SLCO6A1: variants seen among roughly 807,000 people sequenced by gnomAD.
SLCO6A1 encodes cancer/testis antigen 48.
In SLCO6A1, 65 loss-of-function variants were observed where a neutral mutation model predicts 72.7. The ratio of observed to expected loss-of-function variants is 0.89; its 90% CI spans 0.73 to 1.10. The LOEUF is 1.10. SLCO6A1 is among the 50% of genes least tolerant of loss of function. The probability of loss-of-function intolerance (pLI) is 0.00; values close to 1 mark genes in which losing one functional copy is unlikely to be tolerated. For missense variants in SLCO6A1, 874 were observed against 872.6 expected (o/e 1.00, Z -0.02); for synonymous variants, 314 against 298.2 (o/e 1.05, Z -0.55).
chr5:102,390,854 G>A, intron 11 of SLCO6A1, 127 bp downstream of exon 11: 1 of 719,822 alleles, frequency 1.4e-6, no homozygotes, highest in South Asian at 2.1e-5. Flanking sequence ...ATTCTGCAAA[G>A]CAGCTCCCCC....
chr5:102,492,245 T>A (rs1308848007), intron 1 of SLCO6A1, among the ~76,000 whole-genome samples: 2 of 151,946 alleles, frequency 1.3e-5, no homozygotes, highest in African/African-American at 4.8e-5. Context: ...GAATGGACAA[T>A]ATGCAACAAC....
chr5:102,403,566 T>C (rs993175207), intron 9 of SLCO6A1, among the ~76,000 whole-genome samples: 2 of 152,126 alleles, frequency 1.3e-5, no homozygotes, highest in African/African-American at 4.8e-5. Flanking sequence ...CTTTAACATG[T>C]ATATTTCTAT....
intron 9 of SLCO6A1, among the ~76,000 whole-genome samples, chr5:102,411,525 A>G (rs933034337): frequency 6.6e-6 from 1 of 151,882 alleles, no homozygotes; most frequent in African/African-American, 2.4e-5. Context: ...TAGGCCTCCC[A>G]AAGTGCTGGG....
intron 6 of SLCO6A1, among the ~76,000 whole-genome samples, chr5:102,439,262 T>A (rs1390718109): frequency 6.6e-6 from 1 of 152,062 alleles, no homozygotes; most frequent in African/African-American, 2.4e-5. Context: ...ATACAAATAA[T>A]TAAGTTATTT....
intron 12 of SLCO6A1, among the ~76,000 whole-genome samples, chr5:102,382,405 TA>T: frequency 6.6e-6 from 1 of 151,822 alleles, no homozygotes; most frequent in East Asian, 1.9e-4. Flanking sequence ...ATGTTGAAAT[TA>T]GATAGGGTTA....
At chr5:102,469,377 C>T (rs1751482766) in intron 4 of SLCO6A1, among the ~76,000 whole-genome samples, 1 of 152,126 alleles carries the variant, frequency 6.6e-6, no homozygotes, top group Non-Finnish European at 1.5e-5. Flanking sequence ...AGGTCCTTCA[C>T]ATCCCTTGTA....
chr5:102,459,193 T>C (rs567976804), intron 5 of SLCO6A1, among the ~76,000 whole-genome samples: 11 of 152,262 alleles, frequency 7.2e-5, no homozygotes, highest in African/African-American at 2.6e-4. Context: ...AAGGATAGTT[T>C]GAGGCCAGGA....
intron 7 of SLCO6A1, among the ~76,000 whole-genome samples, chr5:102,432,058 T>C (rs1441842295): frequency 4.6e-5 from 7 of 152,204 alleles, no homozygotes; most frequent in Non-Finnish European, 7.4e-5. Context: ...CTTCAGTTTT[T>C]CATTCATTTT....
intron 3 of SLCO6A1, among the ~76,000 whole-genome samples, chr5:102,476,120 T>G (rs915871528): frequency 6.6e-6 from 1 of 151,894 alleles, no homozygotes; most frequent in African/African-American, 2.4e-5. Context: ...ACTGCTTGGG[T>G]GATGGGTGCA....
At chr5:102,379,203 T>C (rs1201593871) in intron 12 of SLCO6A1, among the ~76,000 whole-genome samples, 4 of 152,204 alleles carry the variant, frequency 2.6e-5, no homozygotes, top group Admixed American at 6.5e-5. Context: ...TTTATTCTGA[T>C]AATTAGTTCT....
intron 1 of SLCO6A1, among the ~76,000 whole-genome samples, chr5:102,496,637 G>A (rs183032289): frequency 6.6e-6 from 1 of 152,258 alleles, no homozygotes; most frequent in African/African-American, 2.4e-5. Context: ...ATTATGTCTG[G>A]TATTTAAAGG....
chr5:102,386,576 G>T (rs542066993), intron 12 of SLCO6A1, among the ~76,000 whole-genome samples: 9 of 152,116 alleles, frequency 5.9e-5, no homozygotes, highest in Admixed American at 1.3e-4. Flanking sequence ...CTGGAAGTTG[G>T]GTCTGTGAGT....
intron 4 of SLCO6A1, among the ~76,000 whole-genome samples, chr5:102,463,446 T>C (rs1442261176): frequency 6.6e-6 from 1 of 152,138 alleles, no homozygotes; most frequent in African/African-American, 2.4e-5. Context: ...AAATACGTCA[T>C]ATGAAAAAGA....
At chr5:102,477,274 AC>A (rs1371103344) in intron 3 of SLCO6A1, among the ~76,000 whole-genome samples, 2 of 152,026 alleles carry the variant, frequency 1.3e-5, no homozygotes, top group Non-Finnish European at 2.9e-5. Flanking sequence ...GGTGCTCGCC[AC>A]CATGCCCAGC....
intron 4 of SLCO6A1, among the ~76,000 whole-genome samples, chr5:102,470,782 G>C (rs1948807): frequency 0.64 from 96,708 of 151,836 alleles, 30,989 homozygotes; most frequent in African/African-American, 0.66. Context: ...GCTGGTACTG[G>C]GGAGCATCTC....
At chr5:102,452,225 A>G (rs1183278126) in intron 6 of SLCO6A1, among the ~76,000 whole-genome samples, 1 of 152,208 alleles carries the variant, frequency 6.6e-6, no homozygotes, top group African/African-American at 2.4e-5. Context: ...AAAGGATAAG[A>G]GGGTTGAGCT....
rs201895878 is a variant in SLCO6A1 at position 102,475,762 on chromosome 5, A to G, written c.834T>C (p.Tyr278=). ...GIAECTSMIG[Y]ALGYVLGAPL... ...GTGCTCCTAGCACATAACCCAGAGC[A>G]TATCCAATCATTGATGTACATTCTG... Residue 278 remains tyrosine, a synonymous_variant, in exon 4 of 14, where the codon TAT becomes TAC. Coordinates refer to ENST00000506729, the MANE Select transcript of SLCO6A1 (RefSeq NM_173488.5). 2 of 1,609,140 alleles carry G rather than the reference A, an allele frequency of 1.2e-6. No homozygotes were observed. The highest frequency in any genetic ancestry group is 1.7e-5 in the Admixed American group (1 of 59,446).
chr5:102,380,978 G>T (rs1448213878), intron 12 of SLCO6A1, among the ~76,000 whole-genome samples: 2 of 151,846 alleles, frequency 1.3e-5, no homozygotes, highest in East Asian at 3.9e-4. Flanking sequence ...AATAAAAAGG[G>T]TATATATTTA....
At position 102,475,860 on chromosome 5, in the gene SLCO6A1, T is replaced by G. The variant is rs936244333; in HGVS notation, c.803-67A>C. On this transcript the variant is annotated intron_variant, in intron 3 of 13. Coordinates refer to ENST00000506729, the MANE Select transcript of SLCO6A1 (RefSeq NM_173488.5). ...AAGCCAGCTTCGTTATGATAAAAAT[T>G]GACTGAAATTGATTACTTCTGAAAG... is the stretch of plus-strand genomic sequence containing the variant. 7 of 1,203,072 alleles carry G rather than the reference T, an allele frequency of 5.8e-6. No homozygotes were observed. In the African/African-American group the frequency reaches 7.6e-5, roughly 13 times the overall value. 74.5% of individuals were successfully genotyped at this position (1,203,072 alleles called of 1,614,324 possible).
Sources: gnomAD v4.1 joint callset for allele counts (sites outside exome capture counted in the v4.1 genomes callset) on GRCh38, gnomAD v4.1.1 for gene constraint, MANE v1.5 for transcripts, NCBI Gene and HGNC (gene_info 2026-07-23, HGNC 2026-07-21) for gene names.